Variants in CFAP92 observed in about 807,000 individuals in gnomAD.
CFAP92 encodes uncharacterized protein CFAP92.
In CFAP92, 86 loss-of-function variants were observed where a neutral mutation model predicts 106.3. That is an observed-to-expected ratio of 0.81 (90% CI 0.68 to 0.97). CFAP92 has a LOEUF of 0.97. Ranked by LOEUF, CFAP92 falls within the 50% of genes least tolerant of loss-of-function variation. The probability of loss-of-function intolerance (pLI) is 0.00; values close to 1 mark genes in which losing one functional copy is unlikely to be tolerated. For synonymous variants in CFAP92, 477 were observed against 506.4 expected, an observed-to-expected ratio of 0.94 and a Z score of 0.78; for missense variants, 1,204 against 1,283.8, an observed-to-expected ratio of 0.94 and a Z score of 0.95.
intron 12 of CFAP92, among the ~76,000 whole-genome samples, chr3:128,931,894 C>T (rs1256000505): frequency 5.9e-5 from 9 of 151,938 alleles, no homozygotes; most frequent in East Asian, 1.9e-4. Context: ...GGTGTGGTGG[C>T]GCATGCCTGC....
At chr3:128,979,126 A>G (rs1226896425) in intron 4 of CFAP92, among the ~76,000 whole-genome samples, 1 of 152,242 alleles carries the variant, frequency 6.6e-6, no homozygotes, top group Non-Finnish European at 1.5e-5. Flanking sequence ...CCCCATCAAC[A>G]AGTGGGCAAA....
chr3:128,978,292 T>C (rs542623507), intron 4 of CFAP92, 107 bp from the exon 5 acceptor site: 31 of 1,093,002 alleles, frequency 2.8e-5, no homozygotes, highest in Non-Finnish European at 4.1e-5. Context: ...GGTTTCAGAC[T>C]ACACTAAAGT....
intron 1 of CFAP92, chr3:129,001,787 C>A (rs751472647): frequency 1.3e-6 from 2 of 1,543,608 alleles, no homozygotes; most frequent in Middle Eastern, 3.4e-4. Context: ...TGCTGGCCAC[C>A]GGCCTGGACC....
chr3:128,932,868 T>C lies in CFAP92; in HGVS notation c.2583A>G (p.Thr861=). 1 of 1,536,232 alleles carries C rather than the reference T, an allele frequency of 6.5e-7. No homozygotes were observed. The highest frequency in any genetic ancestry group is 1.2e-5 in the South Asian group (1 of 84,064). Residue 861 remains threonine, a synonymous_variant, in exon 12 of 16, where the codon ACA becomes ACG. Transcript: ENST00000645291. Reference sequence around the variant, plus strand: ...GTGGTAGGGCAAACAGTTTCTCATCTGTGAGTTCTTCTTGCGAAAGGGGCA... The same window carrying C: ...GTGGTAGGGCAAACAGTTTCTCATCCGTGAGTTCTTCTTGCGAAAGGGGCA... The part of the protein sequence containing the change: ...FGMPLSQEEL[T]DEKLFALPPQ...
the CFAP92 span, among the ~76,000 whole-genome samples, chr3:129,020,339 A>G: frequency 9.0e-3 from 1,373 of 152,246 alleles, 20 homozygotes; most frequent in African/African-American, 0.032. Context: ...ACTTACTCCC[A>G]TTTAAAAGAT....
At chr3:128,919,335 C>T (rs943834367) in intron 12 of CFAP92, among the ~76,000 whole-genome samples, 2 of 151,994 alleles carry the variant, frequency 1.3e-5, no homozygotes, top group Non-Finnish European at 2.9e-5. Flanking sequence ...AGCATATACA[C>T]TAGGCAAAAA....
chr3:128,994,571 T>C (rs1424340754), upstream of CFAP92, among the ~76,000 whole-genome samples: 1 of 152,162 alleles, frequency 6.6e-6, no homozygotes, highest in Non-Finnish European at 1.5e-5. Flanking sequence ...TAAAATAGCA[T>C]GAGAATTCTT....
intron 6 of CFAP92, 84 bp downstream of exon 6, chr3:128,976,895 A>G (rs1458722135): frequency 1.9e-6 from 2 of 1,069,658 alleles, no homozygotes; most frequent in African/African-American, 1.6e-5. Flanking sequence ...AACTGGATTT[A>G]CTAAAAAACC....
At chr3:128,948,628 C>G (rs935755962) in intron 9 of CFAP92, among the ~76,000 whole-genome samples, 1 of 151,096 alleles carries the variant, frequency 6.6e-6, no homozygotes, top group Non-Finnish European at 1.5e-5. Context: ...CTCCCCAGTT[C>G]AAGCAATTCT....
intron 10 of CFAP92, among the ~76,000 whole-genome samples, chr3:128,939,679 C>T (rs768603341): frequency 6.6e-6 from 1 of 152,140 alleles, no homozygotes; most frequent in Non-Finnish European, 1.5e-5. Context: ...CAGCGGTCCC[C>T]AACCTATTTG....
intron 2 of CFAP92, 68 bp downstream of exon 2, chr3:128,992,975 T>C (rs368850273): frequency 4.4e-6 from 7 of 1,585,678 alleles, no homozygotes; most frequent in Non-Finnish European, 5.2e-6. Context: ...GTATGCGCCC[T>C]AAACTCCTGC....
the CFAP92 span, among the ~76,000 whole-genome samples, chr3:129,009,970 G>C: frequency 6.6e-6 from 1 of 152,224 alleles, no homozygotes; most frequent in South Asian, 2.1e-4. Flanking sequence ...CCGTAGCTGG[G>C]AGCCCTCCTG....
intron 12 of CFAP92, among the ~76,000 whole-genome samples, chr3:128,920,548 T>C (rs1440268478): frequency 6.6e-6 from 1 of 152,130 alleles, no homozygotes; most frequent in Non-Finnish European, 1.5e-5. Flanking sequence ...GTGGATGGGT[T>C]TAATTGCAGC....
rs1936818989 is a variant in CFAP92, at chr3:128,916,366, TG to T, written c.2752-96del. ...TGAGATGATCTCTGGGACTTAGCTG[TG>T]GTGCAGGTATTGATTGATTCTTCAA... On this transcript the variant is annotated intron_variant, in intron 12 of 15. Coordinates refer to ENST00000645291, the MANE Select transcript of CFAP92 (RefSeq NM_001394090.1). The T allele has an allele frequency of 4.7e-6, 4 of 848,718 alleles. No homozygotes were observed. The South Asian group carries it at 2.5e-4, about 53-fold the overall frequency. 52.6% of individuals were successfully genotyped at this position (848,718 alleles called of 1,614,324 possible).
chr3:128,971,640 T>C (rs1317980422), intron 7 of CFAP92, among the ~76,000 whole-genome samples: 6 of 152,116 alleles, frequency 3.9e-5, no homozygotes, highest in Non-Finnish European at 7.4e-5. Context: ...TATGTAGTAA[T>C]AGGGTGAGGG....
At chr3:129,001,597 G>T in intron 1 of CFAP92, 1 of 1,353,034 alleles carries the variant, frequency 7.4e-7, no homozygotes, top group Non-Finnish European at 9.4e-7. Flanking sequence ...GACCGGAGGA[G>T]GGACCGGAGG....
chr3:128,937,604 CAA>C (rs34770025), intron 10 of CFAP92, among the ~76,000 whole-genome samples: 8 of 141,302 alleles, frequency 5.7e-5, no homozygotes, highest in Admixed American at 7.1e-5. Flanking sequence ...ACTCCATATC[CAA>C]AAAAAAAAAA....
intron 12 of CFAP92, among the ~76,000 whole-genome samples, chr3:128,925,784 TAAAAA>T (rs1937603891): frequency 1.3e-5 from 2 of 150,652 alleles, no homozygotes; most frequent in Admixed American, 1.3e-4. Flanking sequence ...CCAAAGAAAA[TAAAAA>T]CAAAAAATTT....
chr3:128,915,510 C>T lies in CFAP92; in HGVS notation c.2970G>A (p.Glu990=). ...TCTCCTCTTCCTTCAAGTCCAGGGG[C>T]TCCACCATGGCTGAGAGGTAATCCT... ...YSQDYLSAMV[E]PLDLKEEEKK... Residue 990 remains glutamate, a synonymous_variant, in exon 14 of 16, where the codon GAG becomes GAA. Transcript: ENST00000645291. 6.5e-7 allele frequency: 1 copy of T among 1,535,778 alleles called. No individual in the cohort carries two copies. Among genetic ancestry groups the T allele is most frequent in the Non-Finnish European group, 8.7e-7 (1 of 1,146,760 alleles).
Sources: allele counts gnomAD v4.1 joint callset (sites outside exome capture counted in the v4.1 genomes callset), GRCh38; gene constraint gnomAD v4.1.1; transcripts MANE v1.5; gene names NCBI Gene and HGNC (gene_info 2026-07-23, HGNC 2026-07-21).